The following MRPS6 variants were observed in gnomAD, a reference collection of about 807,000 sequenced individuals.
MRPS6 encodes small ribosomal subunit protein bS6m.
Under a neutral mutation model 13.1 loss-of-function variants are expected in MRPS6, and 6 were observed. The observed-to-expected ratio is 0.46, with a 90% CI of 0.25 to 0.91. The LOEUF (loss-of-function observed/expected upper bound fraction) is 0.91. Ranked by LOEUF, MRPS6 falls within the 40% of genes least tolerant of loss-of-function variation. The pLI, the probability that MRPS6 is intolerant of heterozygous loss-of-function variation, is 0.18. For synonymous variants in MRPS6, 61 were observed against 56.5 expected (o/e 1.08, Z -0.36); for missense variants, 164 against 155.6 (o/e 1.05, Z -0.29).
intron 1 of MRPS6, chr21:34,101,825 C>A: frequency 1.0e-6 from 1 of 998,744 alleles, no homozygotes; most frequent in Non-Finnish European, 1.2e-6. Flanking sequence ...TTTGTGTTGG[C>A]TAATAATAAA....
chr21:34,109,421 GGA>G (rs1979609579), intron 1 of MRPS6, among the ~76,000 whole-genome samples: 1 of 152,168 alleles, frequency 6.6e-6, no homozygotes, highest in Non-Finnish European at 1.5e-5. Context: ...TTAAACTGAA[GGA>G]TAAAAGGCCT....
chr21:34,142,774 T>A lies in MRPS6; in HGVS notation c.*174T>A. 6.3e-6 allele frequency: 4 copies of A among 632,068 alleles called. No homozygotes were observed. The highest frequency in any genetic ancestry group is 9.8e-6 in the Non-Finnish European group (4 of 409,800). 39.2% of individuals were successfully genotyped at this position (632,068 alleles called of 1,614,324 possible). ...CCTTTGCTTGCGAGAGGTGGGGAAC[T>A]GCTCACTGACAGCTTCTCTGTAACC... is the stretch of plus-strand genomic sequence containing the variant. On this transcript the variant is annotated 3_prime_UTR_variant, in exon 3 of 3. Transcript: ENST00000399312.
intron 1 of MRPS6, among the ~76,000 whole-genome samples, chr21:34,111,928 G>T (rs1979716400): frequency 6.6e-6 from 1 of 151,272 alleles, no homozygotes; most frequent in Non-Finnish European, 1.5e-5. Flanking sequence ...TTAATCCCAA[G>T]AATTTTTAGA....
rs181050761 is a variant in MRPS6 at position 34,073,675 on chromosome 21, G to A, written c.-26G>A. Reference sequence around the variant, plus strand: ...GCGTCCCGGGAACCGGCTGGCTTCCGAGCCGCACTCGCCGATCCTCCAGGC... The same window carrying A: ...GCGTCCCGGGAACCGGCTGGCTTCCAAGCCGCACTCGCCGATCCTCCAGGC... On this transcript the variant is annotated 5_prime_UTR_variant, in exon 1 of 3. Coordinates refer to ENST00000399312, the MANE Select transcript of MRPS6 (RefSeq NM_032476.4). 9.4e-5 allele frequency: 142 copies of A among 1,514,898 alleles called. 3 individuals carry two copies. In the East Asian group the frequency reaches 2.3e-3, roughly 25 times the overall value. 93.8% of individuals were successfully genotyped at this position (1,514,898 alleles called of 1,614,324 possible).
intron 1 of MRPS6, among the ~76,000 whole-genome samples, chr21:34,112,182 C>T (rs957147376): frequency 2.6e-5 from 4 of 152,252 alleles, no homozygotes; most frequent in African/African-American, 9.6e-5. Flanking sequence ...CAGTTAGCAA[C>T]TTTTATTTCT....
chr21:34,083,997 A>G (rs1989516226), intron 1 of MRPS6, among the ~76,000 whole-genome samples: 1 of 152,198 alleles, frequency 6.6e-6, no homozygotes, highest in Non-Finnish European at 1.5e-5. Flanking sequence ...ATGCAAGAGG[A>G]AAATCCAGCT....
intron 1 of MRPS6, chr21:34,095,327 G>A (rs927845616): frequency 6.2e-7 from 1 of 1,613,992 alleles, no homozygotes; most frequent in African/African-American, 1.3e-5. Flanking sequence ...TCCTGGCGGG[G>A]CGCTCTATGA....
chr21:34,119,871 T>C (rs1286902656), intron 1 of MRPS6, among the ~76,000 whole-genome samples: 1 of 152,172 alleles, frequency 6.6e-6, no homozygotes, highest in African/African-American at 2.4e-5. Flanking sequence ...GTGGGGATTT[T>C]ATTTGGGGGA....
rs1490915245 is a variant in MRPS6 at position 34,102,170 on chromosome 21, C to T, written c.46-23171C>T. 6 of 999,846 alleles carry T rather than the reference C, an allele frequency of 6.0e-6. No individual in the cohort carries two copies. The African/African-American group carries it at 7.0e-5, about 12-fold the overall frequency. The allele number at this position is 999,846 out of a possible 1,614,324, so 61.9% of individuals were successfully genotyped here. A position where few individuals can be genotyped will look rare whatever the true frequency, so the allele number is the denominator to read the frequency against. ...ACTGTCCTTTGTTGGAATACTTTAG[C>T]TGTTCAGCTACTTTGACTCCTAGGA... On this transcript the variant is annotated intron_variant, in intron 1 of 2. Transcript: ENST00000399312.
chr21:34,100,335 C>T lies in MRPS6; in HGVS notation c.46-25006C>T, dbSNP rs144821723. The T allele has an allele frequency of 5.7e-4, 575 of 1,000,190 alleles. 7 individuals are homozygous for T. In the African/African-American group the frequency reaches 9.4e-3, roughly 16 times the overall value. 62.0% of individuals were successfully genotyped at this position (1,000,190 alleles called of 1,614,324 possible). Reference sequence around the variant, plus strand: ...ATATTTTGTGGGACCTCTAATTTCCCTGGTCATCTTTCAGAATATTCTGTT... The same window carrying T: ...ATATTTTGTGGGACCTCTAATTTCCTTGGTCATCTTTCAGAATATTCTGTT... On this transcript the variant is annotated intron_variant, in intron 1 of 2. Transcript: ENST00000399312.
intron 1 of MRPS6, among the ~76,000 whole-genome samples, chr21:34,083,943 A>G (rs1240219620): frequency 6.6e-6 from 1 of 152,164 alleles, no homozygotes; most frequent in Non-Finnish European, 1.5e-5. Context: ...TCGTGACCCT[A>G]TTTCCCTGGA....
chr21:34,125,549 A>G, intron 2 of MRPS6, 69 bp downstream of exon 2: 1 of 1,561,896 alleles, frequency 6.4e-7, no homozygotes, highest in Admixed American at 2.0e-5. Flanking sequence ...TTCAATTACT[A>G]TTAGAAGTTC....
chr21:34,104,909 A>G (rs1979408646), intron 1 of MRPS6: 3 of 1,000,214 alleles, frequency 3.0e-6, no homozygotes, highest in Non-Finnish European at 2.4e-6. Context: ...AATGCCTTTC[A>G]TCTATAATTT....
intron 1 of MRPS6, among the ~76,000 whole-genome samples, chr21:34,118,187 G>A (rs1979995212): frequency 6.6e-6 from 1 of 151,974 alleles, no homozygotes; most frequent in South Asian, 2.1e-4. Context: ...AACAGTGTAG[G>A]GGTATGCATA....
chr21:34,082,095 G>C (rs537655438), intron 1 of MRPS6, among the ~76,000 whole-genome samples: 2 of 151,154 alleles, frequency 1.3e-5, no homozygotes, highest in African/African-American at 4.9e-5. Flanking sequence ...TGAATACTTA[G>C]GTACCATGGA....
chr21:34,141,178 C>T lies in MRPS6; in HGVS notation c.186-1230C>T, dbSNP rs950882913. Among the ~76,000 whole-genome samples the T allele has an allele frequency of 2.0e-5, 3 of 152,212 alleles. No individual in the cohort carries two copies. The South Asian group carries it at 6.2e-4, about 32-fold the overall frequency. On this transcript the variant is annotated intron_variant, in intron 2 of 2. Coordinates refer to ENST00000399312, the MANE Select transcript of MRPS6 (RefSeq NM_032476.4). Reference sequence around the variant, plus strand: ...ATTTACTCTGGACCTGCTCCGTGTTCGTCTCTATTCGGAGTGCTAGGGTTA... The same window carrying T: ...ATTTACTCTGGACCTGCTCCGTGTTTGTCTCTATTCGGAGTGCTAGGGTTA...
At chr21:34,111,099 G>T (rs918121824) in intron 1 of MRPS6, among the ~76,000 whole-genome samples, 1 of 152,156 alleles carries the variant, frequency 6.6e-6, no homozygotes, top group Non-Finnish European at 1.5e-5. Flanking sequence ...GCCTCAGCTG[G>T]GAATGTGTGC....
At position 34,083,235 on chromosome 21, in the gene MRPS6, G is replaced by T. The variant is rs1174429844; in HGVS notation, c.45+9490G>T. Among the ~76,000 whole-genome samples the T allele has an allele frequency of 5.3e-5, 8 of 152,214 alleles. No homozygotes were observed. In the East Asian group the frequency reaches 1.5e-3, roughly 29 times the overall value. On this transcript the variant is annotated intron_variant, in intron 1 of 2. Coordinates refer to ENST00000399312, the MANE Select transcript of MRPS6 (RefSeq NM_032476.4). ...AATTCTCATTGTGGTGATCAGAAGT[G>T]CAGTGTTGTGGTTGCATTTCAGCTG...
At chr21:34,079,684 C>T (rs1307429892) in intron 1 of MRPS6, among the ~76,000 whole-genome samples, 1 of 134,462 alleles carries the variant, frequency 7.4e-6, no homozygotes, top group Non-Finnish European at 1.5e-5. Context: ...AATCTGACCT[C>T]GTGATCTGCC....
Sources: allele counts gnomAD v4.1 joint callset (sites outside exome capture counted in the v4.1 genomes callset), GRCh38; gene constraint gnomAD v4.1.1; transcripts MANE v1.5; gene names NCBI Gene and HGNC (gene_info 2026-07-23, HGNC 2026-07-21).